Variants in MRAP2 observed in about 807,000 individuals in gnomAD.
MRAP2 encodes melanocortin-2 receptor accessory protein 2.
Under a neutral mutation model 17.4 loss-of-function variants are expected in MRAP2, and 20 were observed. The ratio of observed to expected loss-of-function variants is 1.15; its 90% CI spans 0.81 to 1.67. The LOEUF is 1.67. MRAP2 is among the 40% of genes most tolerant of loss of function. MRAP2 has a pLI of 0.00. For synonymous variants in MRAP2, 96 were observed against 88.4 expected (o/e 1.09, Z -0.48); for missense variants, 238 against 240.0 (o/e 0.99, Z 0.05).
chr6:84,081,945 C>T (rs548450515), intron 3 of MRAP2, among the ~76,000 whole-genome samples: 1 of 152,314 alleles, frequency 6.6e-6, no homozygotes, highest in South Asian at 2.1e-4. Context: ...TTTCCTGAGA[C>T]CTCCCTAGCC....
chr6:84,049,981 C>CGTGTGTGTGTGTGTGT lies in MRAP2; in HGVS notation c.-7-5331_-7-5330insGTGTGTGTGTGTGTGT, dbSNP rs566111982. Among the ~76,000 whole-genome samples, 1,184 of 134,410 alleles carry CGTGTGTGTGTGTGTGT rather than the reference C, an allele frequency of 8.8e-3. 15 individuals carry two copies. Among genetic ancestry groups the CGTGTGTGTGTGTGTGT allele is most frequent in the African/African-American group, 0.036 (1,084 of 30,030 alleles). 88.2% of individuals were successfully genotyped at this position (134,410 alleles called of 152,430 possible). ...ACGAAGAGCCCAGCGTGCGTGCATT[C>CGTGTGTGTGTGTGTGT]ATGTGTGTGTGTGTGTACGTGCGTG... On this transcript the variant is annotated intron_variant, in intron 1 of 3. Coordinates refer to ENST00000257776, the MANE Select transcript of MRAP2 (RefSeq NM_138409.4).
chr6:84,073,463 G>T (rs2099496760), intron 3 of MRAP2, among the ~76,000 whole-genome samples: 1 of 152,174 alleles, frequency 6.6e-6, no homozygotes, highest in Non-Finnish European at 1.5e-5. Flanking sequence ...GGAGCAATCT[G>T]CTTCCTTCAG....
At chr6:84,065,765 G>A (rs555019719) in intron 3 of MRAP2, among the ~76,000 whole-genome samples, 7 of 152,120 alleles carry the variant, frequency 4.6e-5, no homozygotes, top group East Asian at 1.9e-4. Context: ...TTAGTTGAGC[G>A]TACCATTTAT....
chr6:84,082,697 G>A, intron 3 of MRAP2, among the ~76,000 whole-genome samples: 1 of 152,112 alleles, frequency 6.6e-6, no homozygotes, highest in Admixed American at 6.6e-5. Context: ...TCCTGCCTCG[G>A]CCTTCCACAG....
At chr6:84,132,548 A>C in the MRAP2 span, among the ~76,000 whole-genome samples, 1 of 151,176 alleles carries the variant, frequency 6.6e-6, no homozygotes, top group Middle Eastern at 3.4e-3. Flanking sequence ...ATTTCTTTTT[A>C]CTCTTTTTTC....
chr6:84,144,039 T>G, the MRAP2 span, among the ~76,000 whole-genome samples: 1 of 152,024 alleles, frequency 6.6e-6, no homozygotes, highest in African/African-American at 2.4e-5. Flanking sequence ...GTGATCCTAT[T>G]TAATCAAATG....
intron 3 of MRAP2, among the ~76,000 whole-genome samples, chr6:84,071,426 G>T (rs1388517678): frequency 6.6e-6 from 1 of 152,186 alleles, no homozygotes; most frequent in Non-Finnish European, 1.5e-5. Context: ...CTTCTAGCTA[G>T]TAGTTTTCTG....
chr6:84,065,095 G>A (rs953371962), intron 3 of MRAP2, among the ~76,000 whole-genome samples: 1 of 152,068 alleles, frequency 6.6e-6, no homozygotes, highest in Non-Finnish European at 1.5e-5. Context: ...GAACAGCCTG[G>A]GCAACATGGC....
At chr6:84,034,329 C>T (rs927821680) in intron 1 of MRAP2, among the ~76,000 whole-genome samples, 5 of 152,156 alleles carry the variant, frequency 3.3e-5, no homozygotes, top group Non-Finnish European at 7.3e-5. Context: ...GCTCCTGGCC[C>T]CGGGCGCGCC....
At chr6:84,097,971 T>C in the MRAP2 span, among the ~76,000 whole-genome samples, 7 of 152,176 alleles carry the variant, frequency 4.6e-5, no homozygotes, top group East Asian at 1.9e-4. Context: ...TGAGATATAA[T>C]TGACAAAATA....
In MRAP2 at chr6:84,049,054, T is replaced by A. The variant is rs1312343880; in HGVS notation, c.-7-6258T>A. On this transcript the variant is annotated intron_variant, in intron 1 of 3. Transcript: ENST00000257776. The stretch of plus-strand genomic sequence containing the variant: ...TTCTTTCCTGGTGTGTAACATGAAA[T>A]TCTTGATGTCCAGCTGAAGTCTATT... Among the ~76,000 whole-genome samples the A allele has an allele frequency of 2.0e-5, 3 of 152,092 alleles. No individual in the cohort carries two copies. In the South Asian group the frequency reaches 6.2e-4, roughly 32 times the overall value.
chr6:84,100,053 T>A, the MRAP2 span, among the ~76,000 whole-genome samples: 1 of 152,002 alleles, frequency 6.6e-6, no homozygotes. Context: ...AGGGATGGGG[T>A]TTTGCCATGT....
chr6:84,094,572 A>T (rs930126265), downstream of MRAP2, among the ~76,000 whole-genome samples: 1 of 152,138 alleles, frequency 6.6e-6, no homozygotes, highest in African/African-American at 2.4e-5. Context: ...TGTAACAAGG[A>T]TCTCCTTTTC....
chr6:84,048,185 A>G (rs147928856), intron 1 of MRAP2, among the ~76,000 whole-genome samples: 1 of 152,150 alleles, frequency 6.6e-6, no homozygotes, highest in East Asian at 1.9e-4. Context: ...AATTTTTGAG[A>G]AACTGCTATA....
chr6:84,065,860 C>G (rs934916601), intron 3 of MRAP2, among the ~76,000 whole-genome samples: 1 of 152,208 alleles, frequency 6.6e-6, no homozygotes, highest in African/African-American at 2.4e-5. Flanking sequence ...AGAACAAAGA[C>G]TGACCTCCTC....
the MRAP2 span, among the ~76,000 whole-genome samples, chr6:84,132,337 T>G: frequency 1.3e-5 from 2 of 152,174 alleles, no homozygotes; most frequent in Non-Finnish European, 2.9e-5. Context: ...TTGCTCTTCT[T>G]GAGGAGTATC....
intron 3 of MRAP2, among the ~76,000 whole-genome samples, chr6:84,077,948 A>G (rs1052844650): frequency 2.0e-5 from 3 of 152,206 alleles, no homozygotes; most frequent in African/African-American, 4.8e-5. Flanking sequence ...CATTTGCAAT[A>G]TGGGTAATAT....
At chr6:84,037,695 C>T (rs892860328) in intron 1 of MRAP2, among the ~76,000 whole-genome samples, 2 of 152,198 alleles carry the variant, frequency 1.3e-5, no homozygotes, top group Non-Finnish European at 2.9e-5. Context: ...GCTGGGGGAC[C>T]TGGCGCCCCC....
At chr6:84,139,127 T>C in the MRAP2 span, among the ~76,000 whole-genome samples, 1 of 152,226 alleles carries the variant, frequency 6.6e-6, no homozygotes. Flanking sequence ...AAAAGCTCTC[T>C]ATCCTCCTCT....
Sources: gnomAD v4.1 joint callset for allele counts (sites outside exome capture counted in the v4.1 genomes callset) on GRCh38, gnomAD v4.1.1 for gene constraint, MANE v1.5 for transcripts, NCBI Gene and HGNC (gene_info 2026-07-23, HGNC 2026-07-21) for gene names.